The following SLC30A8 variants were observed in gnomAD, a reference collection of about 807,000 sequenced individuals.
SLC30A8 encodes proton-coupled zinc antiporter SLC30A8.
In SLC30A8, 27 loss-of-function variants were observed where a neutral mutation model predicts 36.9. That is an observed-to-expected ratio of 0.73 (90% CI 0.54 to 1.01). The LOEUF is 1.01. Ranked by LOEUF, SLC30A8 falls within the 50% of genes least tolerant of loss-of-function variation. SLC30A8 has a pLI of 0.00. For synonymous variants in SLC30A8, 164 were observed against 172.4 expected, an observed-to-expected ratio of 0.95 and a Z score of 0.38; for missense variants, 439 against 452.0, an observed-to-expected ratio of 0.97 and a Z score of 0.26.
chr8:117,039,845 A>G (rs955275808), intron 2 of SLC30A8, among the ~76,000 whole-genome samples: 2 of 152,250 alleles, frequency 1.3e-5, no homozygotes, highest in African/African-American at 4.8e-5. Flanking sequence ...GATGCAGGAC[A>G]GAGTTTCCAG....
At chr8:117,135,749 AAAGTT>A (rs1056040442) in intron 1 of SLC30A8, among the ~76,000 whole-genome samples, 16 of 151,926 alleles carry the variant, frequency 1.1e-4, no homozygotes, top group Non-Finnish European at 2.2e-4. Flanking sequence ...ATATTTAGAA[AAAGTT>A]AAGACTTCAG....
At chr8:117,146,549 C>T (rs1020028286) in intron 1 of SLC30A8, among the ~76,000 whole-genome samples, 11 of 152,172 alleles carry the variant, frequency 7.2e-5, no homozygotes, top group Admixed American at 5.2e-4. Flanking sequence ...AATCCTCAGT[C>T]TGGCTCTTAT....
At chr8:117,099,766 G>A (rs764177209) in intron 2 of SLC30A8, among the ~76,000 whole-genome samples, 1 of 152,138 alleles carries the variant, frequency 6.6e-6, no homozygotes, top group Non-Finnish European at 1.5e-5. Context: ...ACCGATGGAA[G>A]GGTTTATTGA....
intron 1 of SLC30A8, among the ~76,000 whole-genome samples, chr8:117,005,029 A>G (rs1229680620): frequency 6.6e-6 from 1 of 152,158 alleles, no homozygotes; most frequent in Non-Finnish European, 1.5e-5. Flanking sequence ...CAATTGACTT[A>G]TTTAAAATGG....
chr8:117,098,253 G>A (rs1224567167), intron 2 of SLC30A8, among the ~76,000 whole-genome samples: 2 of 151,410 alleles, frequency 1.3e-5, no homozygotes, highest in African/African-American at 2.4e-5. Flanking sequence ...TGCTTGGTAG[G>A]ATGAGGGTTT....
At chr8:117,005,886 A>G (rs1389265031) in intron 1 of SLC30A8, among the ~76,000 whole-genome samples, 2 of 152,190 alleles carry the variant, frequency 1.3e-5, no homozygotes, top group African/African-American at 4.8e-5. Flanking sequence ...ATTTACCCTC[A>G]AGTGACAGAT....
intron 1 of SLC30A8, among the ~76,000 whole-genome samples, chr8:116,974,873 C>T (rs1385715326): frequency 6.6e-6 from 1 of 151,962 alleles, no homozygotes; most frequent in African/African-American, 2.4e-5. Context: ...AGGATGAGTT[C>T]ATGTCCTTTG....
At chr8:117,090,590 C>A (rs998130569) in intron 2 of SLC30A8, among the ~76,000 whole-genome samples, 2 of 152,164 alleles carry the variant, frequency 1.3e-5, no homozygotes, top group Non-Finnish European at 2.9e-5. Context: ...CTTAGGGTTT[C>A]TTAATAAGGG....
intron 2 of SLC30A8, among the ~76,000 whole-genome samples, chr8:117,091,617 CTTTG>C (rs906494885): frequency 5.9e-5 from 9 of 152,206 alleles, no homozygotes; most frequent in African/African-American, 2.2e-4. Context: ...TGGTCAGGAT[CTTTG>C]TTTGTTTTTA....
At chr8:117,031,774 T>C (rs1020984760) in intron 1 of SLC30A8, among the ~76,000 whole-genome samples, 1 of 152,006 alleles carries the variant, frequency 6.6e-6, no homozygotes, top group Non-Finnish European at 1.5e-5. Context: ...GAAATCTTCT[T>C]AATAATGCCC....
chr8:116,954,634 T>C (rs778709264), intron 1 of SLC30A8, among the ~76,000 whole-genome samples: 8 of 152,120 alleles, frequency 5.3e-5, no homozygotes, highest in Non-Finnish European at 1.2e-4. Context: ...TGAGTAATAA[T>C]GGGTTAAGGA....
chr8:117,158,003 G>A (rs970379223), intron 4 of SLC30A8, among the ~76,000 whole-genome samples, 159 bp downstream of exon 4: 1 of 152,186 alleles, frequency 6.6e-6, no homozygotes, highest in South Asian at 2.1e-4. Context: ...GACTGCTTTC[G>A]TTTAAGCTAA....
At chr8:117,044,702 G>A (rs2130762267) in intron 2 of SLC30A8, among the ~76,000 whole-genome samples, 1 of 152,316 alleles carries the variant, frequency 6.6e-6, no homozygotes, top group Admixed American at 6.5e-5. Flanking sequence ...TTTTAGCAGA[G>A]CTTGAACAAA....
At chr8:117,146,884 G>A in intron 1 of SLC30A8, 70 bp from the exon 2 acceptor site, 1 of 1,598,464 alleles carries the variant, frequency 6.3e-7, no homozygotes, top group Admixed American at 1.7e-5. Context: ...CCAAGTATGG[G>A]CAGGGTGGGT....
At chr8:117,043,785 C>T (rs912520298) in intron 2 of SLC30A8, among the ~76,000 whole-genome samples, 8 of 152,072 alleles carry the variant, frequency 5.3e-5, no homozygotes, top group African/African-American at 1.9e-4. Context: ...CTGAAATCCA[C>T]GTAAATGAGA....
intron 2 of SLC30A8, among the ~76,000 whole-genome samples, chr8:117,067,430 G>A (rs1311650276): frequency 6.6e-6 from 1 of 151,510 alleles, no homozygotes; most frequent in African/African-American, 2.4e-5. Flanking sequence ...CAATCTCTGT[G>A]GCCAGGAGAA....
chr8:117,141,513 C>A (rs1019205462), intron 1 of SLC30A8, among the ~76,000 whole-genome samples: 4 of 152,248 alleles, frequency 2.6e-5, no homozygotes, highest in Non-Finnish European at 5.9e-5. Context: ...AACGAAACTT[C>A]TTCAAAAGCA....
At chr8:117,168,529 G>A (rs939385679) in intron 6 of SLC30A8, among the ~76,000 whole-genome samples, 2 of 152,158 alleles carry the variant, frequency 1.3e-5, no homozygotes, top group African/African-American at 4.8e-5. Context: ...GTTCTAGGAT[G>A]TGATGGAGCA....
intron 2 of SLC30A8, among the ~76,000 whole-genome samples, chr8:117,111,804 A>G (rs955648966): frequency 7.9e-5 from 12 of 152,246 alleles, no homozygotes; most frequent in African/African-American, 1.4e-4. Flanking sequence ...TAACTCCCCA[A>G]TTACATGGTT....
Sources: gnomAD v4.1 joint callset for allele counts (sites outside exome capture counted in the v4.1 genomes callset) on GRCh38, gnomAD v4.1.1 for gene constraint, MANE v1.5 for transcripts, NCBI Gene and HGNC (gene_info 2026-07-23, HGNC 2026-07-21) for gene names.